Variants in ZBTB20 observed in about 807,000 individuals in gnomAD.
ZBTB20 encodes zinc finger and BTB domain-containing protein 20.
Under a neutral mutation model 56.9 loss-of-function variants are expected in ZBTB20, and 9 were observed. The observed-to-expected ratio is 0.16, with a 90% CI of 0.10 to 0.28. The LOEUF (loss-of-function observed/expected upper bound fraction) is 0.28. ZBTB20 is among the 10% of genes least tolerant of loss of function. ZBTB20 has a pLI of 1.00. For missense variants in ZBTB20, 655 were observed against 1,003.0 expected, an observed-to-expected ratio of 0.65 and a Z score of 4.69; for synonymous variants, 417 against 420.7, an observed-to-expected ratio of 0.99 and a Z score of 0.11.
At chr3:114,660,647 T>A (rs761566898) in intron 6 of ZBTB20, among the ~76,000 whole-genome samples, 1 of 152,136 alleles carries the variant, frequency 6.6e-6, no homozygotes, top group Non-Finnish European at 1.5e-5. Context: ...TGACCTTCCA[T>A]AATATCGCTG....
At chr3:114,815,089 G>A (rs1560281811) in intron 4 of ZBTB20, among the ~76,000 whole-genome samples, 1 of 152,090 alleles carries the variant, frequency 6.6e-6, no homozygotes, top group Non-Finnish European at 1.5e-5. Flanking sequence ...CATGAGCTTA[G>A]GTCTCCATGA....
chr3:114,741,691 G>A (rs1467107024), intron 5 of ZBTB20, among the ~76,000 whole-genome samples: 2 of 151,208 alleles, frequency 1.3e-5, no homozygotes, highest in African/African-American at 4.9e-5. Flanking sequence ...TGGCCAAGAT[G>A]GGGAAACCCC....
intron 7 of ZBTB20, among the ~76,000 whole-genome samples, chr3:114,441,353 A>G (rs1230107292): frequency 1.3e-5 from 2 of 152,168 alleles, no homozygotes; most frequent in East Asian, 1.9e-4. Flanking sequence ...GGGCAAAATT[A>G]TAAGTTTCAA....
At chr3:115,049,022 T>C (rs531429797) in intron 2 of ZBTB20, among the ~76,000 whole-genome samples, 3 of 152,282 alleles carry the variant, frequency 2.0e-5, no homozygotes, top group African/African-American at 4.8e-5. Flanking sequence ...CATATACTTT[T>C]TTTTTAATGC....
intron 10 of ZBTB20, chr3:114,367,286 AG>A (rs2082512874): frequency 6.6e-6 from 1 of 152,196 alleles, no homozygotes; most frequent in African/African-American, 2.4e-5. Flanking sequence ...TATTTTTTAG[AG>A]ACAGGATCTC....
intron 10 of ZBTB20, among the ~76,000 whole-genome samples, chr3:114,354,614 C>T (rs1199011209): frequency 8.5e-6 from 1 of 117,118 alleles, no homozygotes; most frequent in African/African-American, 3.3e-5. Flanking sequence ...CAGAGTCTTG[C>T]TCTGTTGCCC....
chr3:114,766,378 T>C (rs932986675), intron 5 of ZBTB20, among the ~76,000 whole-genome samples: 11 of 152,088 alleles, frequency 7.2e-5, no homozygotes, highest in African/African-American at 2.2e-4. Context: ...TGAAAACATC[T>C]AGTGCAAGAA....
chr3:114,920,084 G>T (rs2075899539), intron 3 of ZBTB20, among the ~76,000 whole-genome samples: 1 of 152,000 alleles, frequency 6.6e-6, no homozygotes, highest in Non-Finnish European at 1.5e-5. Context: ...ATAAAAAATT[G>T]CACATATACA....
chr3:114,744,598 G>A (rs2066887563), intron 5 of ZBTB20, among the ~76,000 whole-genome samples: 1 of 152,110 alleles, frequency 6.6e-6, no homozygotes, highest in African/African-American at 2.4e-5. Flanking sequence ...TTCTCTGATT[G>A]TAAAAAGCAC....
chr3:114,428,062 A>T (rs2089834719), intron 7 of ZBTB20, among the ~76,000 whole-genome samples: 1 of 152,224 alleles, frequency 6.6e-6, no homozygotes, highest in Non-Finnish European at 1.5e-5. Flanking sequence ...GGATTTTGAA[A>T]TTCAAATGTA....
chr3:114,474,498 C>T (rs554642659), intron 7 of ZBTB20, among the ~76,000 whole-genome samples: 1 of 152,178 alleles, frequency 6.6e-6, no homozygotes, highest in Non-Finnish European at 1.5e-5. Flanking sequence ...TCTTCTCTTG[C>T]TTCTCTATCT....
intron 1 of ZBTB20, among the ~76,000 whole-genome samples, chr3:115,085,474 A>G (rs2082951767): frequency 6.6e-6 from 1 of 151,976 alleles, no homozygotes; most frequent in African/African-American, 2.4e-5. Context: ...GGCCTCTTTT[A>G]AGATAAAAAC....
intron 3 of ZBTB20, among the ~76,000 whole-genome samples, chr3:114,917,219 T>C (rs914519640): frequency 1.3e-5 from 2 of 152,232 alleles, no homozygotes; most frequent in African/African-American, 4.8e-5. Context: ...GTTTGATTCT[T>C]AAAAATTGTG....
intron 6 of ZBTB20, among the ~76,000 whole-genome samples, chr3:114,606,068 T>A (rs2057124745): frequency 6.6e-6 from 1 of 152,136 alleles, no homozygotes; most frequent in South Asian, 2.1e-4. Context: ...GAACTGTACT[T>A]ATTGCACATA....
intron 1 of ZBTB20, among the ~76,000 whole-genome samples, chr3:115,121,391 A>C (rs1418475736): frequency 6.6e-6 from 1 of 151,940 alleles, no homozygotes; most frequent in Non-Finnish European, 1.5e-5. Flanking sequence ...GAGTAGCTGA[A>C]CTGATTTAAG....
At chr3:114,917,582 G>C (rs2075793458) in intron 3 of ZBTB20, among the ~76,000 whole-genome samples, 1 of 152,106 alleles carries the variant, frequency 6.6e-6, no homozygotes, top group African/African-American at 2.4e-5. Flanking sequence ...GTCTACATTG[G>C]GGGCACTCCA....
At chr3:114,473,487 A>T (rs1305241495) in intron 7 of ZBTB20, among the ~76,000 whole-genome samples, 2 of 152,170 alleles carry the variant, frequency 1.3e-5, no homozygotes, top group Non-Finnish European at 2.9e-5. Context: ...GAGGTTTTGT[A>T]GCCCGGCAAT....
At chr3:114,495,646 A>G (rs2043208742) in intron 7 of ZBTB20, among the ~76,000 whole-genome samples, 1 of 152,132 alleles carries the variant, frequency 6.6e-6, no homozygotes, top group Non-Finnish European at 1.5e-5. Flanking sequence ...ATTCCTGGCT[A>G]TAGTCGATTG....
intron 1 of ZBTB20, among the ~76,000 whole-genome samples, chr3:115,072,244 A>G (rs899793190): frequency 1.3e-5 from 2 of 152,176 alleles, no homozygotes; most frequent in Admixed American, 1.3e-4. Flanking sequence ...TTGAAGCTCT[A>G]TATCACCCCA....
Sources: gnomAD v4.1 joint callset for allele counts (sites outside exome capture counted in the v4.1 genomes callset) on GRCh38, gnomAD v4.1.1 for gene constraint, MANE v1.5 for transcripts, NCBI Gene and HGNC (gene_info 2026-07-23, HGNC 2026-07-21) for gene names.